QSER1: variants seen among roughly 807,000 people sequenced by gnomAD.
QSER1 encodes glutamine and serine-rich protein 1.
Under a neutral mutation model 158.5 loss-of-function variants are expected in QSER1, and 49 were observed. The ratio of observed to expected loss-of-function variants is 0.31; its 90% CI spans 0.25 to 0.39. QSER1 has a LOEUF of 0.39. QSER1 is among the 10% of genes least tolerant of loss of function. The pLI, the probability that QSER1 is intolerant of heterozygous loss-of-function variation, is 1.00. For missense variants in QSER1, 1,754 were observed against 2,010.3 expected (o/e 0.87, Z 2.44); for synonymous variants, 650 against 715.5 (o/e 0.91, Z 1.46).
At chr11:32,938,946 AG>A (rs1446702020) in intron 4 of QSER1, among the ~76,000 whole-genome samples, 1 of 152,244 alleles carries the variant, frequency 6.6e-6, no homozygotes, top group Non-Finnish European at 1.5e-5. Context: ...TGCATTAAAA[AG>A]ACCAATGGAG....
In QSER1 at chr11:32,969,293, TCTG is replaced by T. The variant is rs1174182539; in HGVS notation, c.5205+153_5205+155del. On this transcript the variant is annotated intron_variant, in intron 10 of 12. Coordinates refer to ENST00000650167, the MANE Select transcript of QSER1 (RefSeq NM_001076786.3). ...ATTCATTGTAAGTCCATTTAGTTTGTCTGCTTAGTGTTAATCACTTGCTTTTCT... is the reference window on the plus strand; with the variant it reads ...ATTCATTGTAAGTCCATTTAGTTTGTCTTAGTGTTAATCACTTGCTTTTCT... 3 of 569,756 alleles carry T rather than the reference TCTG, an allele frequency of 5.3e-6. No homozygotes were observed. The East Asian group carries it at 9.8e-5, about 19-fold the overall frequency. 35.3% of individuals were successfully genotyped at this position (569,756 alleles called of 1,614,324 possible).
intron 9 of QSER1, 98 bp downstream of exon 9, chr11:32,966,535 T>C: frequency 9.5e-7 from 1 of 1,053,322 alleles, no homozygotes; most frequent in Non-Finnish European, 1.3e-6. Context: ...ACTTGTGTAA[T>C]ATATACCTAT....
At chr11:32,910,064 A>G (rs1590714225) in intron 1 of QSER1, among the ~76,000 whole-genome samples, 1 of 152,198 alleles carries the variant, frequency 6.6e-6, no homozygotes, top group Non-Finnish European at 1.5e-5. Flanking sequence ...ACGATCTCCT[A>G]CTGCTCACCC....
In QSER1 at chr11:32,977,420, G is replaced by T. The variant is rs531561992; in HGVS notation, c.*946G>T. ...AGAATTAGTTTAGCTTTATAAATAGGGCTGTGTTAGACACTGCAGTAATTT... is the reference window on the plus strand; with the variant it reads ...AGAATTAGTTTAGCTTTATAAATAGTGCTGTGTTAGACACTGCAGTAATTT... On this transcript the variant is annotated 3_prime_UTR_variant, in exon 13 of 13. Transcript: ENST00000650167. 2 of 152,374 alleles carry T rather than the reference G, an allele frequency of 1.3e-5. No homozygotes were observed. Among genetic ancestry groups the T allele is most frequent in the East Asian group, 3.9e-4 (2 of 5,182 alleles). The allele number at this position is 152,374 out of a possible 1,614,324, so 9.4% of individuals were successfully genotyped here. A position where few individuals can be genotyped will look rare whatever the true frequency, so the allele number is the denominator to read the frequency against.
At chr11:32,909,879 G>A (rs1290366092) in intron 1 of QSER1, among the ~76,000 whole-genome samples, 1 of 152,066 alleles carries the variant, frequency 6.6e-6, no homozygotes, top group Admixed American at 6.6e-5. Flanking sequence ...CCTTGGTATC[G>A]ATTTTAGTTC....
chr11:32,912,020 A>G (rs939814077), intron 1 of QSER1, among the ~76,000 whole-genome samples: 6 of 152,236 alleles, frequency 3.9e-5, no homozygotes, highest in Admixed American at 1.3e-4. Context: ...CAGTGTCTCT[A>G]TAATTTCTGC....
intron 1 of QSER1, among the ~76,000 whole-genome samples, chr11:32,905,117 T>A (rs1425044650): frequency 6.6e-6 from 1 of 152,230 alleles, no homozygotes; most frequent in Admixed American, 6.5e-5. Flanking sequence ...GTGTAGCTTG[T>A]CCTATGTTGC....
intron 10 of QSER1, among the ~76,000 whole-genome samples, chr11:32,970,887 AAG>A (rs1262415005): frequency 1.3e-5 from 2 of 151,984 alleles, no homozygotes; most frequent in Non-Finnish European, 2.9e-5. Context: ...GTTCTCTAAC[AAG>A]ATTTCTAATT....
chr11:32,955,411 G>C lies in QSER1; in HGVS notation c.4616G>C (p.Ser1539Thr). ...DGQREFAATNSYLGYFGDAKS... is the reference protein window; with the variant it reads ...DGQREFAATNTYLGYFGDAKS... Reference sequence around the variant, plus strand: ...CAAAGAGAATTTGCTGCTACAAATAGTGTAAGTAAAATGCATGTTTACATT... The same window carrying C: ...CAAAGAGAATTTGCTGCTACAAATACTGTAAGTAAAATGCATGTTTACATT... Residue 1539 changes from serine (S) to threonine (T), a missense_variant and splice_region_variant, in exon 6 of 13, where the codon AGT becomes ACT. By Grantham distance (58) the Ser-to-Thr change is moderately conservative. Transcript: ENST00000650167. The C allele has an allele frequency of 6.7e-7, 1 of 1,492,762 alleles. No individual in the cohort carries two copies. Among genetic ancestry groups the C allele is most frequent in the Non-Finnish European group, 9.2e-7 (1 of 1,088,306 alleles). 92.5% of individuals were successfully genotyped at this position (1,492,762 alleles called of 1,614,324 possible).
At chr11:32,918,982 T>C (rs905306715) in intron 1 of QSER1, among the ~76,000 whole-genome samples, 2 of 152,210 alleles carry the variant, frequency 1.3e-5, no homozygotes, top group African/African-American at 4.8e-5. Context: ...TTCCCTATTA[T>C]TACCATCTTG....
intron 1 of QSER1, among the ~76,000 whole-genome samples, chr11:32,908,690 C>A (rs548383653): frequency 2.0e-4 from 31 of 152,248 alleles, no homozygotes; most frequent in African/African-American, 7.5e-4. Context: ...TGGGTTGTTT[C>A]CACTTTTTGG....
At position 32,931,904 on chromosome 11, in the gene QSER1, A is replaced by C. The variant is rs781195205; in HGVS notation, c.646A>C (p.Thr216Pro). Residue 216 changes from threonine to proline, a missense_variant, in exon 4 of 13, where the codon ACT (threonine) becomes CCT (proline). By Grantham distance (38) the Thr-to-Pro change is conservative. Around this residue, in one of 2 missense-constraint regions of QSER1, gnomAD observed 1,707 missense variants for 1,919.6 expected, o/e 0.89. Transcript: ENST00000650167. ...GGTGCTTCAGGATTCAACTTTTAAC[A>C]CTACATCAAATGGAATTTTAAGTCA... is the stretch of plus-strand genomic sequence containing the variant. ...PLVLQDSTFN[T>P]TSNGILSHHD... 3.1e-6 allele frequency: 5 copies of C among 1,614,036 alleles called. No homozygotes were observed. The highest frequency in any genetic ancestry group is 4.2e-6 in the Non-Finnish European group (5 of 1,180,010).
In QSER1 at chr11:32,975,312, A is replaced by C. The variant is rs1244200933; in HGVS notation, c.5423A>C (p.Lys1808Thr). The C allele has an allele frequency of 6.3e-7, 1 of 1,596,792 alleles. No homozygotes were observed. The highest frequency in any genetic ancestry group is 1.3e-5 in the African/African-American group (1 of 74,528). Residue 1808 changes from lysine (K) to threonine (T), a missense_variant, in exon 12 of 13, where the codon AAG becomes ACG. By Grantham distance (78) the Lys-to-Thr change is moderately conservative. Around this residue, in one of 2 missense-constraint regions of QSER1, gnomAD observed 47 missense variants for 90.7 expected, o/e 0.52. Coordinates refer to ENST00000650167, the MANE Select transcript of QSER1 (RefSeq NM_001076786.3). ...YSLYHSLHHY[K>T]YHVYLICKDE... The stretch of plus-strand genomic sequence containing the variant: ...TTGTATCATTCACTCCATCATTATA[A>C]GTACCATGTTTATCTGATATGTAAG...
chr11:32,951,828 A>G (rs184350114), intron 4 of QSER1, among the ~76,000 whole-genome samples: 2 of 130,318 alleles, frequency 1.5e-5, no homozygotes, highest in Admixed American at 1.9e-4. Flanking sequence ...TTTTTAGTAT[A>G]TTCCTTGGGA....
chr11:32,912,751 G>T (rs1278925729), intron 1 of QSER1, among the ~76,000 whole-genome samples: 2 of 151,854 alleles, frequency 1.3e-5, no homozygotes, highest in South Asian at 2.1e-4. Flanking sequence ...TCTATAAAAA[G>T]ATATTTAAAA....
chr11:32,932,048 C>T lies in QSER1; in HGVS notation c.790C>T (p.Arg264Cys), dbSNP rs1351342561. The T allele has an allele frequency of 4.3e-6, 7 of 1,614,108 alleles. No individual in the cohort carries two copies. The highest frequency in any genetic ancestry group is 1.3e-5 in the African/African-American group (1 of 74,928). ...NSIPPQSSTY[R>C]SAQESAPHLL... ...CATACCACCTCAGTCTTCAACATAC[C>T]GCTCAGCTCAAGAGTCTGCACCCCA... is the stretch of plus-strand genomic sequence containing the variant. Residue 264 changes from arginine to cysteine, a missense_variant, in exon 4 of 13, where the codon CGC becomes TGC. Transcript: ENST00000650167.
chr11:32,938,714 C>T (rs1468733957), intron 4 of QSER1, among the ~76,000 whole-genome samples: 2 of 151,912 alleles, frequency 1.3e-5, no homozygotes, highest in Non-Finnish European at 2.9e-5. Flanking sequence ...TATTCAGATG[C>T]CTAAAGGGCA....
At chr11:32,942,946 G>C (rs1036833859) in intron 4 of QSER1, among the ~76,000 whole-genome samples, 2,925 of 152,082 alleles carry the variant, frequency 0.019, 44 homozygotes, top group South Asian at 0.037. Flanking sequence ...AGAGGTCCTT[G>C]ACATCCCTTG....
intron 9 of QSER1, among the ~76,000 whole-genome samples, chr11:32,968,025 A>T (rs960417645): frequency 6.6e-6 from 1 of 152,188 alleles, no homozygotes; most frequent in Non-Finnish European, 1.5e-5. Flanking sequence ...ATCATAAAAT[A>T]TGCTTCTCTT....
Sources: allele counts gnomAD v4.1 joint callset (sites outside exome capture counted in the v4.1 genomes callset), GRCh38; gene constraint gnomAD v4.1.1; regional missense constraint gnomAD v4.1.1; transcripts MANE v1.5; gene names NCBI Gene and HGNC (gene_info 2026-07-23, HGNC 2026-07-21).